ZNF358: variants seen among roughly 807,000 people sequenced by gnomAD.
The protein encoded by ZNF358 is zinc finger protein 358.
In ZNF358, 1 loss-of-function variant was observed where a neutral mutation model predicts 2.1. The ratio of observed to expected loss-of-function variants is 0.49; its 90% CI spans 0.17 to 2.30. The LOEUF (loss-of-function observed/expected upper bound fraction) is 2.30, where lower values mean the gene tolerates loss of function less well. Among genes scored for constraint, ZNF358 ranks in the 30% most tolerant of loss-of-function variants. ZNF358 has a pLI of 0.26. For synonymous variants in ZNF358, 381 were observed against 359.7 expected (o/e 1.06, Z -0.67); for missense variants, 665 against 806.8 (o/e 0.82, Z 2.13).
chr19:7,519,064 CAAAAAAAAA>C lies in ZNF358; in HGVS notation c.-38-126_-38-118del, dbSNP rs397859220. 1.4e-4 allele frequency: 82 copies of C among 577,510 alleles called. No homozygotes were observed. In the Middle Eastern group the frequency reaches 5.1e-3, roughly 36 times the overall value. The allele number at this position is 577,510 out of a possible 1,614,324, so 35.8% of individuals were successfully genotyped here. ...TTGGCAACAGAACGAGACCCCATCT[CAAAAAAAAA>C]AAAAAAAAAAAAAAGAAGTGGGTTC... On this transcript the variant is annotated intron_variant, in intron 1 of 1. Transcript: ENST00000597229.
chr19:7,513,911 C>G (rs1392025280), upstream of ZNF358: 1 of 152,090 alleles, frequency 6.6e-6, no homozygotes, highest in Non-Finnish European at 1.5e-5. Context: ...AAGACTGTCA[C>G]GGATGCAAAG....
Position 7,516,135 on chromosome 19 carries a change from C to G in ZNF358, c.-153C>G, listed in dbSNP as rs1463276809. On this transcript the variant is annotated 5_prime_UTR_variant, in exon 1 of 2. Transcript: ENST00000597229. The surrounding 1 kb of genome is among the most constrained non-coding windows in gnomAD (Gnocchi z 5.9). ...GCTCCCCGGGAGCGCCTGGCGGGGC[C>G]GCTGGGCCGAGGGGGCCGCCGGCGG... The G allele has an allele frequency of 7.0e-6, 1 of 143,708 alleles. No homozygotes were observed. The highest frequency in any genetic ancestry group is 1.5e-5 in the Non-Finnish European group (1 of 64,822). 8.9% of individuals were successfully genotyped at this position (143,708 alleles called of 1,614,324 possible).
Position 7,520,765 on chromosome 19 carries a change from C to T in ZNF358, c.1523C>T (p.Pro508Leu), listed in dbSNP as rs910078340. Residue 508 changes from proline to leucine, a missense_variant, in exon 2 of 2, where the codon CCC (proline) becomes CTC (leucine). Transcript: ENST00000597229. The surrounding 1 kb of genome is among the most constrained non-coding windows in gnomAD (Gnocchi z 6.0). ...AGHDAGPDLV[P>L]SPDLDPVPSP... ...CACGACGCTGGTCCCGACCTTGTGC[C>T]CAGCCCAGACCTTGATCCTGTGCCC... The T allele has an allele frequency of 1.4e-5, 23 of 1,613,790 alleles. No individual in the cohort carries two copies. Among genetic ancestry groups the T allele is most frequent in the Non-Finnish European group, 1.8e-5 (21 of 1,179,954 alleles).
chr19:7,518,174 G>C (rs1225618320), intron 1 of ZNF358, among the ~76,000 whole-genome samples: 1 of 152,206 alleles, frequency 6.6e-6, no homozygotes, highest in Non-Finnish European at 1.5e-5. Context: ...TGGGTCTCAT[G>C]ACCTCCGTCC....
Position 7,520,117 on chromosome 19 carries a change from C to G in ZNF358, c.875C>G (p.Pro292Arg), listed in dbSNP as rs770633021. The G allele has an allele frequency of 3.1e-6, 5 of 1,593,946 alleles. No homozygotes were observed. The highest frequency in any genetic ancestry group is 3.4e-5 in the Admixed American group (2 of 59,332). Residue 292 changes from proline to arginine, a missense_variant, in exon 2 of 2, where the codon CCG (proline) becomes CGG (arginine). Coordinates refer to ENST00000597229, the MANE Select transcript of ZNF358 (RefSeq NM_018083.5). The surrounding 1 kb of genome is among the most constrained non-coding windows in gnomAD (Gnocchi z 6.0). Reference sequence around the variant, plus strand: ...ACGCACACGGGCGAGCGGCCCTACCCGTGTCCGCAGTGCGGCAAGGCCTTC... The same window carrying G: ...ACGCACACGGGCGAGCGGCCCTACCGGTGTCCGCAGTGCGGCAAGGCCTTC... Reference protein sequence around the residue: ...LRTHTGERPYPCPQCGKAFGQ... With the variant: ...LRTHTGERPYRCPQCGKAFGQ...
chr19:7,518,557 G>GAGAGAGAAAGAAAGAAAGAAAAAGAA lies in ZNF358; in HGVS notation c.-38-645_-38-644insGAGAAAGAAAGAAAGAAAAAGAAAGA, dbSNP rs556101041. ...AAAGAAAGAAAGAAAGAGAGAGAGAGAGAAAGAAAGAAAGAAAGAAAGAAA... is the reference window on the plus strand; with the variant it reads ...AAAGAAAGAAAGAAAGAGAGAGAGAGAGAGAGAAAGAAAGAAAGAAAAAGAAAGAAAGAAAGAAAGAAAGAAAGAAA... On this transcript the variant is annotated intron_variant, in intron 1 of 1. Coordinates refer to ENST00000597229, the MANE Select transcript of ZNF358 (RefSeq NM_018083.5). 2.6e-5 allele frequency among the ~76,000 whole-genome samples: 3 copies of GAGAGAGAAAGAAAGAAAGAAAAAGAA among 116,064 alleles called. No individual in the cohort carries two copies. The Admixed American group carries it at 2.7e-4, about 10-fold the overall frequency. The allele number at this position is 116,064 out of a possible 152,430, so 76.1% of individuals were successfully genotyped here.
chr19:7,520,642 G>C lies in ZNF358; in HGVS notation c.1400G>C (p.Gly467Ala), dbSNP rs1450186978. The C allele has an allele frequency of 6.4e-7, 1 of 1,567,438 alleles. No individual in the cohort carries two copies. The highest frequency in any genetic ancestry group is 1.8e-5 in the Admixed American group (1 of 54,758). ...SSGRNPDPGS[G>A]PGTLPDPSSK... ...GGCCGCAACCCTGACCCTGGCTCTG[G>C]GCCGGGCACTCTGCCGGATCCCAGC... The change falls in exon 2 of 2, where the codon GGG (glycine) becomes GCG (alanine). Residue 467 changes from glycine to alanine, a missense_variant. Around this residue, in one of 3 missense-constraint regions of ZNF358, gnomAD observed 249 missense variants for 227.6 expected, o/e 1.09. Coordinates refer to ENST00000597229, the MANE Select transcript of ZNF358 (RefSeq NM_018083.5). This position sits in a 1 kb window ranked among gnomAD's most constrained non-coding sequence, Gnocchi z 6.0.
Position 7,519,545 on chromosome 19 carries a change from C to T in ZNF358, c.303C>T (p.Pro101=), listed in dbSNP as rs1255533361. 4 of 1,605,934 alleles carry T rather than the reference C, an allele frequency of 2.5e-6. No homozygotes were observed. The highest frequency in any genetic ancestry group is 1.3e-5 in the African/African-American group (1 of 75,020). The change falls in exon 2 of 2, where the codon CCC becomes CCT. Residue 101 remains proline, a synonymous_variant. Transcript: ENST00000597229. ...SFDLDPDVIG[P]VPLILDPNSD... ...ACCTCGATCCAGATGTGATTGGCCC[C>T]GTACCCCTGATTCTCGATCCTAACA...
chr19:7,518,461 G>A (rs1432721987), intron 1 of ZNF358, among the ~76,000 whole-genome samples: 1 of 149,582 alleles, frequency 6.7e-6, no homozygotes, highest in Non-Finnish European at 1.5e-5. Flanking sequence ...GAGAGACAGA[G>A]GGAGAGAGAA....
rs551132373 is a variant in ZNF358, at chr19:7,519,824, G to C, written c.582G>C (p.Leu194=). Residue 194 remains leucine (L), a synonymous_variant, in exon 2 of 2, where the codon CTG becomes CTC. Transcript: ENST00000597229. ...AGTCCTTCAGCCACGGTGCCACCCT[G>C]GCTCAGCACCGTGGCATCCACACTG... ...CGKSFSHGAT[L]AQHRGIHTGA... 225 of 1,531,178 alleles carry C rather than the reference G, an allele frequency of 1.5e-4. 2 individuals carry two copies. Among genetic ancestry groups the C allele is most frequent in the Admixed American group, 6.0e-5 (3 of 50,230 alleles). The allele number at this position is 1,531,178 out of a possible 1,614,324, so 94.8% of individuals were successfully genotyped here.
At chr19:7,514,230 G>C (rs147390536), upstream of ZNF358, among the ~76,000 whole-genome samples, 2,435 of 152,332 alleles carry the variant, frequency 0.016, 171 homozygotes, top group Admixed American at 0.12. Context: ...GTGGCCAGGG[G>C]ATAGGGGCCC....
rs2022445886 is a variant in ZNF358, at chr19:7,520,318, G to C, written c.1076G>C (p.Ser359Thr). Residue 359 changes from serine (S) to threonine (T), a missense_variant, in exon 2 of 2, where the codon AGC (serine) becomes ACC (threonine). Physicochemically the swap from Ser to Thr is moderately conservative, Grantham distance 58. This residue lies in a region of ZNF358 where 210 missense variants were observed against 350.8 expected (regional missense o/e 0.60). Transcript: ENST00000597229. The surrounding 1 kb of genome is among the most constrained non-coding windows in gnomAD (Gnocchi z 6.0). ...CACTGCTCCAAGGCCTTCGGCCAGAGCTCAGCGCTGCTCCAGCACCTGCAC... is the reference window on the plus strand; with the variant it reads ...CACTGCTCCAAGGCCTTCGGCCAGACCTCAGCGCTGCTCCAGCACCTGCAC... ...CPHCSKAFGQ[S>T]SALLQHLHVH... 1 of 1,611,678 alleles carries C rather than the reference G, an allele frequency of 6.2e-7. No individual in the cohort carries two copies. The highest frequency in any genetic ancestry group is 1.3e-5 in the African/African-American group (1 of 74,926).
intron 1 of ZNF358, among the ~76,000 whole-genome samples, chr19:7,517,762 G>A (rs1339864499): frequency 6.6e-6 from 1 of 152,128 alleles, no homozygotes; most frequent in Non-Finnish European, 1.5e-5. Context: ...ACCTGGAGCT[G>A]TGAGCTCTGG....
rs2022411516 is a variant in ZNF358, at chr19:7,519,191, C to G, written c.-38-14C>G. On this transcript the variant is annotated splice_polypyrimidine_tract_variant and intron_variant, in intron 1 of 1. Coordinates refer to ENST00000597229, the MANE Select transcript of ZNF358 (RefSeq NM_018083.5). ...AACCCACCTACCCTCTACCCTCTAT[C>G]CTTGCCCTTGCAGGTCTTGCCCCAG... 1 of 1,583,212 alleles carries G rather than the reference C, an allele frequency of 6.3e-7. No individual in the cohort carries two copies. The highest frequency in any genetic ancestry group is 8.6e-7 in the Non-Finnish European group (1 of 1,166,230).
rs1158957413 is a variant in ZNF358 at position 7,519,569 on chromosome 19, C to G, written c.327C>G (p.Asn109Lys). Residue 109 changes from asparagine (N) to lysine (K), a missense_variant, in exon 2 of 2, where the codon AAC becomes AAG. Around this residue, in one of 3 missense-constraint regions of ZNF358, gnomAD observed 206 missense variants for 228.4 expected, o/e 0.90. Transcript: ENST00000597229. Reference protein sequence around the residue: ...IGPVPLILDPNSDTLSPGDPK... With the variant: ...IGPVPLILDPKSDTLSPGDPK... ...CCGTACCCCTGATTCTCGATCCTAA[C>G]AGCGACACCCTCAGCCCCGGCGATC... 1.1e-5 allele frequency: 17 copies of G among 1,601,650 alleles called. No homozygotes were observed. The highest frequency in any genetic ancestry group is 1.4e-5 in the Non-Finnish European group (16 of 1,179,940).
Position 7,519,789 on chromosome 19 carries a change from G to T in ZNF358, c.547G>T (p.Asp183Tyr). 6.5e-7 allele frequency: 1 copy of T among 1,531,190 alleles called. No individual in the cohort carries two copies. Among genetic ancestry groups the T allele is most frequent in the South Asian group, 1.2e-5 (1 of 84,224 alleles). 94.9% of individuals were successfully genotyped at this position (1,531,190 alleles called of 1,614,324 possible). A position where few individuals can be genotyped will look rare whatever the true frequency, so the allele number is the denominator to read the frequency against. Reference sequence around the variant, plus strand: ...CGGCGAGAAGCCGTACCGCTGCCCCGACTGCGGGAAGTCCTTCAGCCACGG... The same window carrying T: ...CGGCGAGAAGCCGTACCGCTGCCCCTACTGCGGGAAGTCCTTCAGCCACGG... Reference protein sequence around the residue: ...HSGEKPYRCPDCGKSFSHGAT... With the variant: ...HSGEKPYRCPYCGKSFSHGAT... Residue 183 changes from aspartate (D) to tyrosine (Y), a missense_variant, in exon 2 of 2, where the codon GAC becomes TAC. By Grantham distance (160) the Asp-to-Tyr change is radical (BLOSUM62 -3). Around this residue, in one of 3 missense-constraint regions of ZNF358, gnomAD observed 210 missense variants for 350.8 expected, o/e 0.60. Transcript: ENST00000597229.
In ZNF358 at chr19:7,520,881, G is replaced by C; in HGVS notation, c.1639G>C (p.Ala547Pro). ...TCCCACTCGTGGCACTGTCAGCCCA[G>C]CCCTCCCTACCGGCGAGAGTCCAGA... ...CSPTRGTVSP[A>P]LPTGESPEWV... The change falls in exon 2 of 2, where the codon GCC becomes CCC. Residue 547 changes from alanine to proline, a missense_variant. This residue lies in a region of ZNF358 where 249 missense variants were observed against 227.6 expected (regional missense o/e 1.09). Transcript: ENST00000597229. This position sits in a 1 kb window ranked among gnomAD's most constrained non-coding sequence, Gnocchi z 6.0. 2.5e-6 allele frequency: 4 copies of C among 1,614,108 alleles called. No homozygotes were observed. The highest frequency in any genetic ancestry group is 3.4e-6 in the Non-Finnish European group (4 of 1,180,036).
At chr19:7,518,487 AAAG>A (rs1018818632) in intron 1 of ZNF358, among the ~76,000 whole-genome samples, 2 of 150,536 alleles carry the variant, frequency 1.3e-5, no homozygotes, top group Non-Finnish European at 2.9e-5. Context: ...AGAAGGAAGG[AAAG>A]AAGGAAGAAG....
intron 1 of ZNF358, among the ~76,000 whole-genome samples, chr19:7,517,025 G>A (rs567231831): frequency 6.6e-6 from 1 of 152,264 alleles, no homozygotes; most frequent in East Asian, 1.9e-4. Context: ...CCAGCTATGG[G>A]GTTGTGGCTC....
Sources: gnomAD v4.1 joint callset for allele counts (sites outside exome capture counted in the v4.1 genomes callset) on GRCh38, gnomAD v4.1.1 for gene constraint, gnomAD v4.1.1 regional missense constraint, Gnocchi (gnomAD v3.1) non-coding constraint, MANE v1.5 for transcripts, NCBI Gene and HGNC (gene_info 2026-07-23, HGNC 2026-07-21) for gene names.